The following PTPN13 variants were observed in gnomAD, a reference collection of about 807,000 sequenced individuals.
PTPN13 encodes the protein protein tyrosine phosphatase non-receptor type 13.
A neutral mutation model predicts 284.0 loss-of-function variants in PTPN13; 191 were observed. The observed-to-expected ratio is 0.67, with a 90% CI of 0.60 to 0.76. The LOEUF is 0.76. Ranked by LOEUF, PTPN13 falls within the 30% of genes least tolerant of loss-of-function variation. PTPN13 has a pLI of 0.00. For missense variants in PTPN13, 2,797 were observed against 2,939.9 expected (o/e 0.95, Z 1.12); for synonymous variants, 986 against 1,022.3 (o/e 0.96, Z 0.68).
chr4:86,762,708 G>A lies in PTPN13; in HGVS notation c.3554-19G>A. The A allele has an allele frequency of 6.5e-7, 1 of 1,543,026 alleles. No homozygotes were observed. Among genetic ancestry groups the A allele is most frequent in the South Asian group, 1.1e-5 (1 of 87,734 alleles). ...GTATCACTAACTTGTTACTCTCATTGATGGATTTTGACTTTTAGTGCCTTC... is the reference window on the plus strand; with the variant it reads ...GTATCACTAACTTGTTACTCTCATTAATGGATTTTGACTTTTAGTGCCTTC... On this transcript the variant is annotated intron_variant, in intron 23 of 47. Transcript: ENST00000411767.
intron 32 of PTPN13, among the ~76,000 whole-genome samples, chr4:86,773,704 T>G (rs1740272131): frequency 6.6e-6 from 1 of 151,998 alleles, no homozygotes; most frequent in African/African-American, 2.4e-5. Context: ...CTTTTTTTTT[T>G]GCCTATAATT....
chr4:86,626,465 A>G (rs571908047), intron 1 of PTPN13, among the ~76,000 whole-genome samples: 1 of 152,114 alleles, frequency 6.6e-6, no homozygotes, highest in East Asian at 1.9e-4. Context: ...TAAAATTCCT[A>G]TTCTTTCTTA....
At chr4:86,599,917 T>C (rs1764150553) in intron 1 of PTPN13, among the ~76,000 whole-genome samples, 2 of 152,160 alleles carry the variant, frequency 1.3e-5, no homozygotes, top group South Asian at 4.1e-4. Flanking sequence ...GTACTGCAAG[T>C]TTCAGGTCTG....
At chr4:86,637,328 A>G (rs1565200546) in intron 2 of PTPN13, among the ~76,000 whole-genome samples, 1 of 152,204 alleles carries the variant, frequency 6.6e-6, no homozygotes, top group Non-Finnish European at 1.5e-5. Flanking sequence ...AACTCATTTT[A>G]TGAGGCCAGC....
intron 2 of PTPN13, among the ~76,000 whole-genome samples, chr4:86,663,356 G>A (rs148670369): frequency 2.6e-5 from 4 of 152,350 alleles, no homozygotes; most frequent in Non-Finnish European, 4.4e-5. Context: ...ATGAAGTTGA[G>A]AGTATAATTG....
chr4:86,810,119 A>G (rs761743057), intron 46 of PTPN13, 135 bp downstream of exon 46: 141 of 655,428 alleles, frequency 2.2e-4, no homozygotes, highest in Non-Finnish European at 3.0e-4. Flanking sequence ...TTCTTATATT[A>G]TTATAGAAAA....
intron 7 of PTPN13, among the ~76,000 whole-genome samples, chr4:86,706,668 G>T (rs1731801060): frequency 6.6e-6 from 1 of 152,128 alleles, no homozygotes; most frequent in Admixed American, 6.6e-5. Flanking sequence ...GGAACAAAAT[G>T]AGATAGGAAC....
At chr4:86,649,731 A>C (rs1024100024) in intron 2 of PTPN13, among the ~76,000 whole-genome samples, 7 of 152,090 alleles carry the variant, frequency 4.6e-5, no homozygotes, top group African/African-American at 1.7e-4. Flanking sequence ...ACTCCATATA[A>C]ATTTTAAGAT....
At chr4:86,759,962 TAAA>T (rs561835555) in intron 23 of PTPN13, among the ~76,000 whole-genome samples, 2 of 151,896 alleles carry the variant, frequency 1.3e-5, no homozygotes, top group South Asian at 2.1e-4. Flanking sequence ...AAAGAATTAG[TAAA>T]AAAAATTAGC....
chr4:86,754,591 A>G (rs1202173924), intron 20 of PTPN13, among the ~76,000 whole-genome samples: 2 of 151,874 alleles, frequency 1.3e-5, no homozygotes, highest in African/African-American at 2.4e-5. Context: ...AACAAAGGCA[A>G]TCTGTTTCTA....
At chr4:86,725,518 C>G (rs1005239291) in intron 10 of PTPN13, among the ~76,000 whole-genome samples, 5 of 149,480 alleles carry the variant, frequency 3.3e-5, no homozygotes, top group South Asian at 4.2e-4. Context: ...TTCTAACTGG[C>G]ATGAGATGGT....
At chr4:86,805,625 T>G (rs866286999) in intron 44 of PTPN13, among the ~76,000 whole-genome samples, 21 of 152,348 alleles carry the variant, frequency 1.4e-4, no homozygotes, top group Middle Eastern at 6.8e-3. Flanking sequence ...TATACAGTAT[T>G]AGAAATTAGT....
At chr4:86,619,325 C>A (rs566358567) in intron 1 of PTPN13, among the ~76,000 whole-genome samples, 1 of 152,212 alleles carries the variant, frequency 6.6e-6, no homozygotes, top group East Asian at 1.9e-4. Flanking sequence ...TATGTATATT[C>A]CAGTAATTAC....
At chr4:86,749,718 G>C (rs1289750597) in intron 17 of PTPN13, among the ~76,000 whole-genome samples, 1 of 152,202 alleles carries the variant, frequency 6.6e-6, no homozygotes, top group African/African-American at 2.4e-5. Flanking sequence ...AGCATAAAGA[G>C]ATGCCCAGCT....
chr4:86,714,726 C>T (rs1218590629), intron 7 of PTPN13, among the ~76,000 whole-genome samples: 1 of 152,030 alleles, frequency 6.6e-6, no homozygotes, highest in Non-Finnish European at 1.5e-5. Context: ...CTTTATATAC[C>T]ACTTATATAC....
At position 86,758,685 on chromosome 4, in the gene PTPN13, A is replaced by C. The variant is rs188031560; in HGVS notation, c.3321A>C (p.Gln1107His). 1 of 1,612,192 alleles carries C rather than the reference A, an allele frequency of 6.2e-7. No individual in the cohort carries two copies. Among genetic ancestry groups the C allele is most frequent in the South Asian group, 1.1e-5 (1 of 90,994 alleles). The change falls in exon 22 of 48, where the codon CAA (glutamine) becomes CAC (histidine). Residue 1107 changes from glutamine (Q) to histidine (H), a missense_variant. By Grantham distance (24) the Gln-to-His change is conservative. Transcript: ENST00000411767. ...KKDAKYGLGF[Q>H]IIGGEKMGRL... ...AAATGTGTTATTTTACAGGATTTCA[A>C]ATTATTGGTGGGGAGAAGATGGGAA...
chr4:86,642,384 G>A (rs1346843668), intron 2 of PTPN13, among the ~76,000 whole-genome samples: 1 of 148,026 alleles, frequency 6.8e-6, no homozygotes, highest in East Asian at 2.0e-4. Context: ...GAATCTTCCT[G>A]TGTTATGATT....
intron 44 of PTPN13, among the ~76,000 whole-genome samples, chr4:86,806,601 A>G (rs1273985776): frequency 2.0e-5 from 3 of 152,198 alleles, no homozygotes; most frequent in Non-Finnish European, 2.9e-5. Context: ...GAATATCTCA[A>G]AATCAGAATA....
intron 3 of PTPN13, among the ~76,000 whole-genome samples, chr4:86,673,938 C>T (rs1276846168): frequency 2.0e-5 from 3 of 152,138 alleles, no homozygotes; most frequent in Non-Finnish European, 4.4e-5. Flanking sequence ...AACTCCTGAC[C>T]TCAAGTGATC....
Sources: allele counts gnomAD v4.1 joint callset (sites outside exome capture counted in the v4.1 genomes callset), GRCh38; gene constraint gnomAD v4.1.1; transcripts MANE v1.5; gene names NCBI Gene and HGNC (gene_info 2026-07-23, HGNC 2026-07-21).